ARHGAP33: variants seen among roughly 807,000 people sequenced by gnomAD.
ARHGAP33 encodes rho GTPase-activating protein 33.
Under a neutral mutation model 126.2 loss-of-function variants are expected in ARHGAP33, and 57 were observed. The ratio of observed to expected loss-of-function variants is 0.45; its 90% confidence interval spans 0.36 to 0.56. The LOEUF (loss-of-function observed/expected upper bound fraction) is 0.56. Ranked by LOEUF, ARHGAP33 falls within the 20% of genes least tolerant of loss-of-function variation. ARHGAP33 has a pLI of 0.00. For missense variants in ARHGAP33, 1,500 were observed against 1,748.3 expected (o/e 0.86, Z 2.53); for synonymous variants, 711 against 755.0 (o/e 0.94, Z 0.95).
rs766601180 is a variant in ARHGAP33, at chr19:35,786,932, C to G, written c.2462C>G (p.Thr821Ser). 6.2e-6 allele frequency: 10 copies of G among 1,610,818 alleles called. No homozygotes were observed. The highest frequency in any genetic ancestry group is 8.5e-6 in the Non-Finnish European group (10 of 1,179,604). ...GCTGGGGGAGCACCTGCCTCAGCCA[C>G]CCCAACACCAGCTCTCAGCCCCGGC... ...LGAGGAPASA[T>S]PTPALSPGRS... Residue 821 changes from threonine to serine, a missense_variant, in exon 20 of 21, where the codon ACC becomes AGC. This residue lies in a region of ARHGAP33 where 642 missense variants were observed against 634.0 expected (regional missense o/e 1.01). Transcript: ENST00000007510. The surrounding 1 kb of genome is among the most constrained non-coding windows in gnomAD (Gnocchi z 7.0).
chr19:35,777,126 A>G (rs2146677547), intron 1 of ARHGAP33, among the ~76,000 whole-genome samples: 1 of 152,312 alleles, frequency 6.6e-6, no homozygotes, highest in South Asian at 2.1e-4. Flanking sequence ...AAATCAGCTC[A>G]GGGAAGTCTC....
chr19:35,786,043 G>GC lies in ARHGAP33; in HGVS notation c.1943-369dup. On this transcript the variant is annotated intron_variant, in intron 19 of 20. Transcript: ENST00000007510. The surrounding 1 kb of genome is among the most constrained non-coding windows in gnomAD (Gnocchi z 7.0). ...TGCTGGGTGCTGCTCTCCGACCTCTGCGGGGGGCTGCTTATCCACCCCACC... is the reference window on the plus strand; with the variant it reads ...TGCTGGGTGCTGCTCTCCGACCTCTGCCGGGGGGCTGCTTATCCACCCCACC... The GC allele has an allele frequency of 1.7e-6, 2 of 1,154,500 alleles. No individual in the cohort carries two copies. The highest frequency in any genetic ancestry group is 2.1e-6 in the Non-Finnish European group (2 of 936,018). 71.5% of individuals were successfully genotyped at this position (1,154,500 alleles called of 1,614,324 possible).
chr19:35,779,890 G>T, intron 6 of ARHGAP33: 1 of 502,360 alleles, frequency 2.0e-6, no homozygotes, highest in Non-Finnish European at 3.9e-6. Context: ...GATTTTAGAT[G>T]GCAACCGTGT....
Position 35,775,642 on chromosome 19 carries a change from G to T in ARHGAP33, c.-17G>T. The T allele has an allele frequency of 6.5e-7, 1 of 1,541,930 alleles. No homozygotes were observed. The highest frequency in any genetic ancestry group is 1.9e-5 in the Admixed American group (1 of 51,594). On this transcript the variant is annotated 5_prime_UTR_variant, in exon 1 of 21. An upstream open reading frame in the 5' UTR loses its in-frame stop. Coordinates refer to ENST00000007510, the MANE Select transcript of ARHGAP33 (RefSeq NM_001366178.1). ...GAGGGGTCGAGCGCGGCCGGGGCCT[G>T]AGGAGGCTACGCGACCATGGTGGTA...
Position 35,785,453 on chromosome 19 carries a change from G to C in ARHGAP33, c.1912G>C (p.Glu638Gln). ...TVTLRSAKSE[E>Q]SLSSQASGAG... ...CACACTGAGATCTGCCAAGAGCGAG[G>C]AGTCTCTGTCATCGCAGGCCAGCGG... The change falls in exon 19 of 21, where the codon GAG (glutamate) becomes CAG (glutamine). Residue 638 changes from glutamate to glutamine, a missense_variant. By Grantham distance (29) the Glu-to-Gln change is conservative (BLOSUM62 2). Around this residue, in one of 6 missense-constraint regions of ARHGAP33, gnomAD observed 300 missense variants for 291.1 expected, o/e 1.03. Transcript: ENST00000007510. 1 of 1,614,222 alleles carries C rather than the reference G, an allele frequency of 6.2e-7. No homozygotes were observed. The highest frequency in any genetic ancestry group is 1.3e-5 in the African/African-American group (1 of 75,066).
Position 35,788,439 on chromosome 19 carries a change from G to C in ARHGAP33, c.*10G>C. On this transcript the variant is annotated 3_prime_UTR_variant, in exon 21 of 21. Transcript: ENST00000007510. The stretch of plus-strand genomic sequence containing the variant: ...CCGAAGCTACTGCTGAGCACCAGCT[G>C]GGAGGGGCCGTCCTTCCTTCCCTTC... The C allele has an allele frequency of 6.6e-7, 1 of 1,519,356 alleles. No homozygotes were observed. The highest frequency in any genetic ancestry group is 2.5e-5 in the East Asian group (1 of 40,574). The allele number at this position is 1,519,356 out of a possible 1,614,324, so 94.1% of individuals were successfully genotyped here. A position where few individuals can be genotyped will look rare whatever the true frequency, so the allele number is the denominator to read the frequency against.
At chr19:35,780,137 C>A in intron 6 of ARHGAP33, 74 bp from the exon 7 acceptor site, 1 of 1,578,558 alleles carries the variant, frequency 6.3e-7, no homozygotes, top group Non-Finnish European at 8.6e-7. Flanking sequence ...CCTCACCCAG[C>A]GCGGAGGAGC....
rs554646640 is a variant in ARHGAP33 at position 35,783,307 on chromosome 19, G to A, written c.1421+438G>A. Among the ~76,000 whole-genome samples, 202 of 152,318 alleles carry A rather than the reference G, an allele frequency of 1.3e-3. 3 individuals carry two copies. Among genetic ancestry groups the A allele is most frequent in the South Asian group, 9.9e-3 (48 of 4,828 alleles). On this transcript the variant is annotated intron_variant, in intron 15 of 20. Coordinates refer to ENST00000007510, the MANE Select transcript of ARHGAP33 (RefSeq NM_001366178.1). ...CCCTGCCGGAGTTCACAGTCTTCTG[G>A]GGGCACAGATACATAAACAAGTAAA...
intron 15 of ARHGAP33, among the ~76,000 whole-genome samples, chr19:35,783,756 G>A (rs575833879): frequency 2.0e-5 from 3 of 152,120 alleles, no homozygotes; most frequent in Non-Finnish European, 1.5e-5. Flanking sequence ...AGGGCTCTGA[G>A]CCAGGCGGGC....
intron 5 of ARHGAP33, 146 bp from the exon 6 acceptor site, chr19:35,778,886 A>T: frequency 7.8e-6 from 6 of 767,882 alleles, no homozygotes; most frequent in Non-Finnish European, 1.3e-5. Flanking sequence ...ATTCATTCAT[A>T]TGCCCATATC....
At chr19:35,780,056 T>C in intron 6 of ARHGAP33, 155 bp from the exon 7 acceptor site, 1 of 1,096,148 alleles carries the variant, frequency 9.1e-7, no homozygotes, top group South Asian at 1.3e-5. Context: ...GCTGCATCCC[T>C]ACAAACAGGA....
chr19:35,785,261 C>CT lies in ARHGAP33; in HGVS notation c.1794_1795insT (p.Arg599SerfsTer92), dbSNP rs1972049538. 1 of 1,596,002 alleles carries CT rather than the reference C, an allele frequency of 6.3e-7. No homozygotes were observed. Among genetic ancestry groups the CT allele is most frequent in the African/African-American group, 1.4e-5 (1 of 73,924 alleles). ...GCTGGAAGACGTTCTTTGCACTGGGCCGGGGCCCCAGTGTCCCTCGAAAGA... is the reference window on the plus strand; with the variant it reads ...GCTGGAAGACGTTCTTTGCACTGGGCTCGGGGCCCCAGTGTCCCTCGAAAGA... On this transcript the variant is annotated frameshift_variant, in exon 18 of 21. Coordinates refer to ENST00000007510, the MANE Select transcript of ARHGAP33 (RefSeq NM_001366178.1). LOFTEE classifies it high-confidence loss of function.
At chr19:35,777,120 C>G (rs1971494741) in intron 1 of ARHGAP33, among the ~76,000 whole-genome samples, 1 of 152,122 alleles carries the variant, frequency 6.6e-6, no homozygotes, top group South Asian at 2.1e-4. Flanking sequence ...AAACAGAAAT[C>G]AGCTCAGGGA....
At position 35,777,550 on chromosome 19, in the gene ARHGAP33, C is replaced by T. The variant is rs1374807435; in HGVS notation, c.7-95C>T. 1.3e-5 allele frequency: 13 copies of T among 994,650 alleles called. No individual in the cohort carries two copies. The Admixed American group carries it at 1.8e-4, about 14-fold the overall frequency. The allele number at this position is 994,650 out of a possible 1,614,324, so 61.6% of individuals were successfully genotyped here. On this transcript the variant is annotated intron_variant, in intron 1 of 20. Transcript: ENST00000007510. ...TTCATGCTCAGGGCGGTGTGTGGAG[C>T]GCCCGGGGCTCTGGACCCGCGCTGC... is the stretch of plus-strand genomic sequence containing the variant.
intron 1 of ARHGAP33, among the ~76,000 whole-genome samples, chr19:35,777,171 A>C (rs1286044525): frequency 6.6e-6 from 1 of 152,160 alleles, no homozygotes. Context: ...CTTCGTCTTG[A>C]AGACAACAGG....
Position 35,784,254 on chromosome 19 carries a change from C to T in ARHGAP33, c.1504C>T (p.Leu502=), listed in dbSNP as rs1484567467. Residue 502 remains leucine (L), a synonymous_variant, in exon 16 of 21, where the codon CTG becomes TTG. Coordinates refer to ENST00000007510, the MANE Select transcript of ARHGAP33 (RefSeq NM_001366178.1). ...GGTGCAGTCGGTGGTGGTGGAGTTT[C>T]TGCTCACCCATGTGGACGTCCTGTT... ...VRVQSVVVEF[L]LTHVDVLFSD... The T allele has an allele frequency of 1.2e-6, 2 of 1,612,000 alleles. No homozygotes were observed. The highest frequency in any genetic ancestry group is 1.7e-6 in the Non-Finnish European group (2 of 1,178,824).
rs774275706 is a variant in ARHGAP33, at chr19:35,782,766, C to T, written c.1318C>T (p.Leu440=). 2 of 1,613,190 alleles carry T rather than the reference C, an allele frequency of 1.2e-6. No homozygotes were observed. Among genetic ancestry groups the T allele is most frequent in the South Asian group, 2.2e-5 (2 of 90,954 alleles). Residue 440 remains leucine (L), a synonymous_variant, in exon 15 of 21, where the codon CTG becomes TTG. Coordinates refer to ENST00000007510, the MANE Select transcript of ARHGAP33 (RefSeq NM_001366178.1). This position sits in a 1 kb window ranked among gnomAD's most constrained non-coding sequence, Gnocchi z 4.1. The part of the protein sequence containing the change: ...QQLPPPHYRT[L]EYLLRHLARM... ...CCCCTCTGCTCCCACCCCCAGGACC[C>T]TGGAGTACCTGCTGAGGCACCTGGC...
intron 6 of ARHGAP33, chr19:35,779,786 C>G: frequency 1.3e-5 from 5 of 389,640 alleles, no homozygotes; most frequent in South Asian, 9.1e-5. Context: ...GTTGACCAGG[C>G]TGGTCTTGAA....
intron 16 of ARHGAP33, chr19:35,784,730 C>T (rs1972009040): frequency 7.4e-7 from 1 of 1,352,842 alleles, no homozygotes; most frequent in Non-Finnish European, 9.4e-7. Context: ...GAGCCGCTGC[C>T]CTCGCTGGCT....
Sources: gnomAD v4.1 joint callset for allele counts (sites outside exome capture counted in the v4.1 genomes callset) on GRCh38, gnomAD v4.1.1 for gene constraint, gnomAD v4.1.1 regional missense constraint, Gnocchi (gnomAD v3.1) non-coding constraint, MANE v1.5 for transcripts, NCBI Gene and HGNC (gene_info 2026-07-23, HGNC 2026-07-21) for gene names.